The following CNGB3 variants were observed in gnomAD, a reference collection of about 807,000 sequenced individuals.
The protein encoded by CNGB3 is cyclic nucleotide gated channel subunit beta 3, also known as cyclic nucleotide-gated channel beta-3.
A neutral mutation model predicts 92.8 loss-of-function variants in CNGB3; 86 were observed. That is an observed-to-expected ratio of 0.93 (90% CI 0.78 to 1.11). CNGB3 has a LOEUF of 1.11. CNGB3 is among the 50% of genes least tolerant of loss of function. The probability of loss-of-function intolerance (pLI) is 0.00; values close to 1 mark genes in which losing one functional copy is unlikely to be tolerated. For synonymous variants in CNGB3, 333 were observed against 332.7 expected (o/e 1.00, Z -0.01); for missense variants, 1,026 against 956.8 (o/e 1.07, Z -0.95).
chr8:86,609,507 G>A (rs546528260), intron 14 of CNGB3, among the ~76,000 whole-genome samples: 14 of 152,146 alleles, frequency 9.2e-5, no homozygotes, highest in Non-Finnish European at 1.9e-4. Flanking sequence ...TGCTCTCTCT[G>A]ACTTTTCTTC....
intron 2 of CNGB3, among the ~76,000 whole-genome samples, chr8:86,738,398 T>A (rs1009959301): frequency 1.3e-5 from 2 of 152,076 alleles, no homozygotes; most frequent in African/African-American, 4.8e-5. Flanking sequence ...TAATGGAAAA[T>A]AATCTGCTAA....
intron 2 of CNGB3, among the ~76,000 whole-genome samples, chr8:86,737,280 T>C (rs961408773): frequency 1.3e-5 from 2 of 152,170 alleles, no homozygotes; most frequent in Non-Finnish European, 2.9e-5. Context: ...GAGTAGATTG[T>C]AAAAAGTATA....
chr8:86,709,160 G>A (rs1824704405), intron 3 of CNGB3, among the ~76,000 whole-genome samples: 1 of 152,132 alleles, frequency 6.6e-6, no homozygotes, highest in African/African-American at 2.4e-5. Flanking sequence ...AGGCTAGAGG[G>A]GATTAGCACA....
At chr8:86,649,946 C>T (rs1448870896) in intron 7 of CNGB3, among the ~76,000 whole-genome samples, 1 of 151,144 alleles carries the variant, frequency 6.6e-6, no homozygotes, top group African/African-American at 2.4e-5. Flanking sequence ...AACAAATCAG[C>T]AAGAAAAAAA....
chr8:86,658,088 G>A (rs1420793393), intron 6 of CNGB3: 5 of 523,744 alleles, frequency 9.5e-6, no homozygotes, highest in East Asian at 4.2e-5. Context: ...TGCAGGGCCG[G>A]GTGGGCCTCC....
intron 3 of CNGB3, among the ~76,000 whole-genome samples, chr8:86,723,926 G>A (rs928012995): frequency 1.3e-5 from 2 of 152,086 alleles, no homozygotes; most frequent in African/African-American, 2.4e-5. Context: ...AACTAACACA[G>A]GTACAGAAAA....
chr8:86,590,958 C>T (rs1159576938), intron 15 of CNGB3, among the ~76,000 whole-genome samples: 2 of 151,782 alleles, frequency 1.3e-5, no homozygotes, highest in African/African-American at 2.4e-5. Flanking sequence ...TCCATTCTCC[C>T]CATCACTTTC....
intron 3 of CNGB3, among the ~76,000 whole-genome samples, chr8:86,681,742 TA>T (rs893070677): frequency 1.8e-4 from 27 of 152,250 alleles, no homozygotes; most frequent in Non-Finnish European, 2.9e-4. Flanking sequence ...AACAACCTTA[TA>T]AAAACATTAG....
At chr8:86,591,940 T>C (rs1051987110) in intron 15 of CNGB3, among the ~76,000 whole-genome samples, 4 of 152,208 alleles carry the variant, frequency 2.6e-5, no homozygotes, top group African/African-American at 9.7e-5. Context: ...TCCCCCAGCC[T>C]CGCTGCCACC....
chr8:86,719,497 A>C (rs960067301), intron 3 of CNGB3, among the ~76,000 whole-genome samples: 1 of 152,198 alleles, frequency 6.6e-6, no homozygotes, highest in African/African-American at 2.4e-5. Flanking sequence ...GGAAAACTAC[A>C]AAACACTGTT....
chr8:86,635,861 TATAC>T (rs1554611017), intron 10 of CNGB3, among the ~76,000 whole-genome samples: 1,983 of 66,176 alleles, frequency 0.03, 104 homozygotes, highest in East Asian at 0.091. Context: ...TATATATATA[TATAC>T]ACATACACAT....
At chr8:86,651,079 G>A (rs975456819) in intron 7 of CNGB3, among the ~76,000 whole-genome samples, 1 of 151,528 alleles carries the variant, frequency 6.6e-6, no homozygotes, top group Non-Finnish European at 1.5e-5. Context: ...AACACTATAC[G>A]TTCTCACTTA....
intron 7 of CNGB3, among the ~76,000 whole-genome samples, chr8:86,648,918 A>G (rs1432812511): frequency 6.6e-6 from 1 of 151,426 alleles, no homozygotes; most frequent in Non-Finnish European, 1.5e-5. Flanking sequence ...GACATCTCCA[A>G]AAGACTTCTA....
chr8:86,720,839 T>TATATACACACAC (rs1554618004), intron 3 of CNGB3, among the ~76,000 whole-genome samples: 1 of 129,888 alleles, frequency 7.7e-6, no homozygotes, highest in Non-Finnish European at 1.6e-5. Flanking sequence ...TATATATGTA[T>TATATACACACAC]ACACACACAC....
At chr8:86,709,436 T>G (rs532182658) in intron 3 of CNGB3, among the ~76,000 whole-genome samples, 4 of 152,318 alleles carry the variant, frequency 2.6e-5, no homozygotes, top group Non-Finnish European at 5.9e-5. Flanking sequence ...GCCCTGTTTC[T>G]GTGAGCCTGC....
chr8:86,617,759 C>T (rs909065938), intron 13 of CNGB3, among the ~76,000 whole-genome samples: 2 of 152,054 alleles, frequency 1.3e-5, no homozygotes, highest in African/African-American at 4.8e-5. Flanking sequence ...ATGAGTTAGA[C>T]GGAACTCTGA....
intron 15 of CNGB3, among the ~76,000 whole-genome samples, chr8:86,590,381 T>G (rs972370136): frequency 5.9e-5 from 9 of 152,132 alleles, no homozygotes; most frequent in Non-Finnish European, 1.2e-4. Context: ...ATCCTGTCAT[T>G]ATGATGTTAG....
At position 86,671,071 on chromosome 8, in the gene CNGB3, A is replaced by G; in HGVS notation, c.366T>C (p.Pro122=). ...NSPQNKPPAA[P]VINEYADAQL... ...GGGCATCGGCATACTCATTTATAAC[A>G]GGAGCTGCAGGCGGTTTGTTTTGTG... The change falls in exon 4 of 18, where the codon CCT becomes CCC. Residue 122 remains proline, a synonymous_variant. Transcript: ENST00000320005. The G allele has an allele frequency of 6.2e-7, 1 of 1,613,990 alleles. No individual in the cohort carries two copies. Among genetic ancestry groups the G allele is most frequent in the Non-Finnish European group, 8.5e-7 (1 of 1,180,004 alleles).
chr8:86,632,783 C>G lies in CNGB3; in HGVS notation c.1289G>C (p.Gly430Ala). The change falls in exon 11 of 18, where the codon GGA becomes GCA. Residue 430 changes from glycine to alanine, a missense_variant. By Grantham distance (60) the Gly-to-Ala change is moderately conservative. Transcript: ENST00000320005. ...AATTAAACTGGAGAACACAAAAACT[C>G]CAGAAAAAAAATTCAAGAGTTGAAA... ...IVFQLLNFFS[G>A]VFVFSSLIGQ... 5.0e-6 allele frequency: 8 copies of G among 1,612,884 alleles called. No homozygotes were observed. Among genetic ancestry groups the G allele is most frequent in the Non-Finnish European group, 6.8e-6 (8 of 1,179,744 alleles).
Sources: gnomAD v4.1 joint callset for allele counts (sites outside exome capture counted in the v4.1 genomes callset) on GRCh38, gnomAD v4.1.1 for gene constraint, MANE v1.5 for transcripts, NCBI Gene and HGNC (gene_info 2026-07-23, HGNC 2026-07-21) for gene names.